The following TSNARE1 variants were observed in gnomAD, a reference collection of about 807,000 sequenced individuals.
TSNARE1 encodes t-SNARE domain containing 1, also known as t-SNARE domain-containing protein 1.
A neutral mutation model predicts 62.0 loss-of-function variants in TSNARE1; 49 were observed. That is an observed-to-expected ratio of 0.79 (90% CI 0.63 to 1.00). The LOEUF (loss-of-function observed/expected upper bound fraction) is 1.00, where lower values mean the gene tolerates loss of function less well. TSNARE1 is among the 50% of genes least tolerant of loss of function. The pLI is 0.00. For synonymous variants in TSNARE1, 328 were observed against 294.4 expected, an observed-to-expected ratio of 1.11 and a Z score of -1.17; for missense variants, 755 against 700.1, an observed-to-expected ratio of 1.08 and a Z score of -0.88.
chr8:142,339,329 G>A (rs889162913), intron 4 of TSNARE1, among the ~76,000 whole-genome samples: 3 of 152,142 alleles, frequency 2.0e-5, no homozygotes, highest in Admixed American at 6.5e-5. Flanking sequence ...GCTACGTGAT[G>A]TGTGACGGCT....
intron 1 of TSNARE1, among the ~76,000 whole-genome samples, chr8:142,392,400 T>A (rs542433891): frequency 6.6e-6 from 1 of 152,174 alleles, no homozygotes; most frequent in Non-Finnish European, 1.5e-5. Flanking sequence ...GGTAACATAG[T>A]GTTCATTATC....
rs140661407 is a variant in TSNARE1 at position 142,379,093 on chromosome 8, C to T, written c.-40+24011G>A. On this transcript the variant is annotated intron_variant, in intron 1 of 13. Coordinates refer to ENST00000524325, the MANE Select transcript of TSNARE1 (RefSeq NM_145003.5). The stretch of plus-strand genomic sequence containing the variant: ...GACTCTCAGAGCAGAGGACCAAGCC[C>T]GCAGCAGATCAGCACGGATCAGAGC... Among the ~76,000 whole-genome samples the T allele has an allele frequency of 7.8e-3, 1,181 of 152,300 alleles. 24 individuals are homozygous for T. The highest frequency in any genetic ancestry group is 0.073 in the South Asian group (353 of 4,812).
intron 12 of TSNARE1, among the ~76,000 whole-genome samples, chr8:142,246,889 G>A (rs1817910010): frequency 6.6e-6 from 1 of 152,258 alleles, no homozygotes; most frequent in African/African-American, 2.4e-5. Context: ...GCGAGGCAGC[G>A]ATGAGCAAAG....
chr8:142,402,668 C>G (rs1033933201), intron 1 of TSNARE1: 4 of 152,486 alleles, frequency 2.6e-5, no homozygotes, highest in South Asian at 2.1e-4. Flanking sequence ...CGAAGGCGGG[C>G]TCCGCTCGTT....
At chr8:142,381,507 G>C (rs529543770) in intron 1 of TSNARE1, among the ~76,000 whole-genome samples, 13 of 152,250 alleles carry the variant, frequency 8.5e-5, no homozygotes, top group African/African-American at 3.1e-4. Context: ...TGGAGGTCAG[G>C]GTGGGCTCAG....
intron 13 of TSNARE1, among the ~76,000 whole-genome samples, chr8:142,217,220 G>A (rs1237008793): frequency 6.7e-6 from 1 of 150,304 alleles, no homozygotes; most frequent in African/African-American, 2.5e-5. Flanking sequence ...CTCCAACCTG[G>A]GCAACAGAGC....
rs1363383395 is a variant in TSNARE1 at position 142,345,765 on chromosome 8, A to G, written c.216T>C (p.Ile72=). The change falls in exon 3 of 14, where the codon ATT becomes ATC. Residue 72 remains isoleucine, a synonymous_variant. Transcript: ENST00000524325. ...TACCTCGCTTCCTGGCCCTTGGGACAATAGGCGTGCCTGCTGGCCCCAGAT... is the reference window on the plus strand; with the variant it reads ...TACCTCGCTTCCTGGCCCTTGGGACGATAGGCGTGCCTGCTGGCCCCAGAT... ...EGDLGPAGTP[I]VPRARKRGPG... 1.2e-6 allele frequency: 2 copies of G among 1,612,688 alleles called. No individual in the cohort carries two copies.
chr8:142,313,843 G>A (rs1479765879), intron 9 of TSNARE1, among the ~76,000 whole-genome samples: 4 of 152,160 alleles, frequency 2.6e-5, no homozygotes, highest in African/African-American at 7.2e-5. Flanking sequence ...GCGTGATCTC[G>A]GCTCACTGGA....
intron 10 of TSNARE1, among the ~76,000 whole-genome samples, chr8:142,287,614 G>A (rs1261480677): frequency 7.1e-5 from 9 of 126,332 alleles, no homozygotes; most frequent in South Asian, 3.0e-4. Context: ...CCAGGTCGTG[G>A]AACCCAGGAC....
At chr8:142,313,378 G>A (rs950822442) in intron 9 of TSNARE1, among the ~76,000 whole-genome samples, 1 of 149,224 alleles carries the variant, frequency 6.7e-6, no homozygotes, top group African/African-American at 2.5e-5. Context: ...GTATGTGTCT[G>A]CATGTCTATG....
At position 142,229,539 on chromosome 8, in the gene TSNARE1, C is replaced by A; in HGVS notation, c.1487G>T (p.Gly496Val). Residue 496 changes from glycine to valine, a missense_variant, in exon 13 of 14, where the codon GGA (glycine) becomes GTA (valine). Coordinates refer to ENST00000524325, the MANE Select transcript of TSNARE1 (RefSeq NM_145003.5). ...HKIKCCFLSA[G>V]VTALLVIIII... ...GATGATGACAAGCAGGGCAGTGACT[C>A]CAGCTGATAGGAAGCAGCACTTGAT... 1 of 1,614,060 alleles carries A rather than the reference C, an allele frequency of 6.2e-7. No individual in the cohort carries two copies. Among genetic ancestry groups the A allele is most frequent in the Non-Finnish European group, 8.5e-7 (1 of 1,179,998 alleles).
At chr8:142,251,620 T>C (rs1023832939) in intron 12 of TSNARE1, among the ~76,000 whole-genome samples, 3 of 151,672 alleles carry the variant, frequency 2.0e-5, no homozygotes, top group Non-Finnish European at 4.4e-5. Flanking sequence ...GGGCCCGGCT[T>C]ATGAGAGGAG....
intron 6 of TSNARE1, among the ~76,000 whole-genome samples, chr8:142,327,031 G>C (rs1253227233): frequency 6.6e-6 from 1 of 152,150 alleles, no homozygotes; most frequent in Non-Finnish European, 1.5e-5. Flanking sequence ...GTGTAAAATG[G>C]GGCAGCTGCT....
intron 10 of TSNARE1, among the ~76,000 whole-genome samples, chr8:142,289,042 T>C (rs1019879679): frequency 2.6e-5 from 4 of 152,228 alleles, no homozygotes; most frequent in Non-Finnish European, 5.9e-5. Flanking sequence ...TTCCTCATTT[T>C]AGGCGCCCCT....
intron 10 of TSNARE1, among the ~76,000 whole-genome samples, chr8:142,295,432 C>G (rs896706191): frequency 1.3e-5 from 2 of 152,198 alleles, no homozygotes; most frequent in African/African-American, 4.8e-5. Context: ...TCTTGGGTGG[C>G]CGCTCTGCTC....
intron 12 of TSNARE1, chr8:142,269,768 C>T (rs991016927): frequency 2.0e-5 from 20 of 985,264 alleles, no homozygotes; most frequent in Middle Eastern, 1.0e-3. Context: ...GTGGAGGCCC[C>T]GCCCAGAACC....
rs1037516548 is a variant in TSNARE1, at chr8:142,343,892, A to T, written c.745+74T>A. The T allele has an allele frequency of 5.8e-6, 8 of 1,390,410 alleles. No individual in the cohort carries two copies. The African/African-American group carries it at 1.0e-4, about 18-fold the overall frequency. 86.1% of individuals were successfully genotyped at this position (1,390,410 alleles called of 1,614,324 possible). ...ACTGTGGAGGAAGATGCAGGGCAAC[A>T]TGGCCAAGATGGGCCCCCCCCTCCT... On this transcript the variant is annotated intron_variant, in intron 4 of 13. Transcript: ENST00000524325.
chr8:142,299,704 GCA>G (rs1223014191), intron 10 of TSNARE1, among the ~76,000 whole-genome samples: 3 of 151,472 alleles, frequency 2.0e-5, no homozygotes, highest in Admixed American at 2.0e-4. Context: ...GCACACACAC[GCA>G]CTCACGCACG....
intron 1 of TSNARE1, among the ~76,000 whole-genome samples, chr8:142,401,096 C>T (rs1233083348): frequency 6.6e-6 from 1 of 152,188 alleles, no homozygotes; most frequent in African/African-American, 2.4e-5. Context: ...TGGAAGGTGA[C>T]TCCCCAACTC....
Sources: allele counts gnomAD v4.1 joint callset (sites outside exome capture counted in the v4.1 genomes callset), GRCh38; gene constraint gnomAD v4.1.1; transcripts MANE v1.5; gene names NCBI Gene and HGNC (gene_info 2026-07-23, HGNC 2026-07-21).